Variants in FRMD4A observed in about 807,000 individuals in gnomAD.
The protein encoded by FRMD4A is FERM domain-containing protein 4A.
A neutral mutation model predicts 129.1 loss-of-function variants in FRMD4A; 29 were observed. That is an observed-to-expected ratio of 0.22 (90% CI 0.17 to 0.31). The LOEUF (loss-of-function observed/expected upper bound fraction) is 0.31. FRMD4A is among the 10% of genes least tolerant of loss of function. The pLI is 1.00. For missense variants in FRMD4A, 1,272 were observed against 1,375.8 expected, an observed-to-expected ratio of 0.92 and a Z score of 1.19; for synonymous variants, 634 against 571.6, an observed-to-expected ratio of 1.11 and a Z score of -1.56.
At chr10:13,663,651 G>A (rs1435291142) in intron 18 of FRMD4A, 142 bp from the exon 19 acceptor site, 1 of 629,388 alleles carries the variant, frequency 1.6e-6, no homozygotes, top group African/African-American at 1.8e-5. Context: ...TAAAAATGCT[G>A]TTGGGTGTTT....
chr10:13,941,922 C>T (rs150366811), intron 2 of FRMD4A, among the ~76,000 whole-genome samples: 1 of 152,270 alleles, frequency 6.6e-6, no homozygotes, highest in East Asian at 1.9e-4. Context: ...TTACATTTTA[C>T]CCTGGTCTGG....
chr10:13,942,942 C>CA (rs1004062007), intron 2 of FRMD4A, among the ~76,000 whole-genome samples: 3 of 150,658 alleles, frequency 2.0e-5, no homozygotes, highest in East Asian at 1.9e-4. Context: ...AACAAAAAGG[C>CA]AAAAAAAAAA....
At chr10:14,051,610 A>C (rs1413536431) in intron 2 of FRMD4A, among the ~76,000 whole-genome samples, 2 of 152,202 alleles carry the variant, frequency 1.3e-5, no homozygotes, top group African/African-American at 2.4e-5. Flanking sequence ...CATGGTTGAC[A>C]CTGGCAGATT....
At chr10:13,987,009 T>C (rs1243122541) in intron 2 of FRMD4A, among the ~76,000 whole-genome samples, 1 of 152,148 alleles carries the variant, frequency 6.6e-6, no homozygotes, top group African/African-American at 2.4e-5. Flanking sequence ...CAGGAGAGGC[T>C]GATGTTCTGG....
In FRMD4A at chr10:14,204,846, G is replaced by C. The variant is rs1221392756; in HGVS notation, c.45+125212C>G. 2.0e-5 allele frequency among the ~76,000 whole-genome samples: 3 copies of C among 152,248 alleles called. No individual in the cohort carries two copies. In the East Asian group the frequency reaches 5.8e-4, roughly 29 times the overall value. ...TTCATACCCGAGATAACCCAGCTGT[G>C]TGCAAAATCAAGCCTATTGAACGCG... On this transcript the variant is annotated intron_variant, in intron 2 of 24. Transcript: ENST00000357447.
chr10:14,218,405 T>A (rs147790234), intron 2 of FRMD4A, among the ~76,000 whole-genome samples: 7 of 152,360 alleles, frequency 4.6e-5, no homozygotes, highest in African/African-American at 7.2e-5. Context: ...TCCTTTGGAT[T>A]AACCCACTAG....
At chr10:14,323,808 G>A (rs990964496) in intron 2 of FRMD4A, among the ~76,000 whole-genome samples, 15 of 152,226 alleles carry the variant, frequency 9.9e-5, no homozygotes, top group Non-Finnish European at 1.8e-4. Flanking sequence ...CGAAGAGCCT[G>A]TTATTCAAGA....
At chr10:14,291,567 G>T (rs1845850699) in intron 2 of FRMD4A, among the ~76,000 whole-genome samples, 1 of 152,104 alleles carries the variant, frequency 6.6e-6, no homozygotes, top group Non-Finnish European at 1.5e-5. Flanking sequence ...CATTTCTGCA[G>T]ATGTCAAAAT....
chr10:13,853,607 G>A (rs932334475), intron 3 of FRMD4A, among the ~76,000 whole-genome samples: 33 of 152,050 alleles, frequency 2.2e-4, no homozygotes, highest in Admixed American at 8.5e-4. Flanking sequence ...GCTGTTGTGG[G>A]TGGGTCACCT....
Position 13,795,694 on chromosome 10 carries a change from G to GTGCCTTGATTGA in FRMD4A, c.299+801_299+802insTCAATCAAGGCA, listed in dbSNP as rs1273543556. On this transcript the variant is annotated intron_variant, in intron 5 of 24. Transcript: ENST00000357447. ...TAATTGTGTTGCAATCAAGGTTCTG[G>GTGCCTTGATTGA]ACAGAAAGAACCTGGTGCCTCCATA... Among the ~76,000 whole-genome samples the GTGCCTTGATTGA allele has an allele frequency of 1.8e-4, 28 of 152,300 alleles. No individual in the cohort carries two copies. The South Asian group carries it at 3.5e-3, about 19-fold the overall frequency.
At chr10:14,087,391 C>A (rs1836351517) in intron 2 of FRMD4A, 2 of 148,666 alleles carry the variant, frequency 1.3e-5, no homozygotes, top group South Asian at 2.1e-4. Context: ...TATATTAATT[C>A]TATTTAATTC....
At chr10:13,696,478 C>CA (rs1337225155) in intron 14 of FRMD4A, among the ~76,000 whole-genome samples, 2 of 152,204 alleles carry the variant, frequency 1.3e-5, no homozygotes, top group Non-Finnish European at 2.9e-5. Context: ...CATGGTGGCT[C>CA]AAGCCTGTCC....
At position 13,676,623 on chromosome 10, in the gene FRMD4A, C is replaced by T. The variant is rs11258517; in HGVS notation, c.1118-1579G>A. Among the ~76,000 whole-genome samples the T allele has an allele frequency of 8.0e-3, 1,225 of 152,198 alleles. 69 individuals carry two copies. The highest frequency in any genetic ancestry group is 0.071 in the Admixed American group (1,082 of 15,278). On this transcript the variant is annotated intron_variant, in intron 15 of 24. Coordinates refer to ENST00000357447, the MANE Select transcript of FRMD4A (RefSeq NM_018027.5). ...CCATCGTGAGCAGAAGTGTTAGAAACGGACAGGTGTTAGAGGCTGTGCATT... is the reference window on the plus strand; with the variant it reads ...CCATCGTGAGCAGAAGTGTTAGAAATGGACAGGTGTTAGAGGCTGTGCATT...
intron 6 of FRMD4A, among the ~76,000 whole-genome samples, chr10:13,769,948 C>T (rs2092407966): frequency 6.6e-6 from 1 of 152,168 alleles, no homozygotes; most frequent in South Asian, 2.1e-4. Context: ...GGGTCTCCAG[C>T]TTGCAGACAG....
At chr10:13,835,145 C>T (rs2093852938) in intron 3 of FRMD4A, among the ~76,000 whole-genome samples, 1 of 152,168 alleles carries the variant, frequency 6.6e-6, no homozygotes, top group Non-Finnish European at 1.5e-5. Context: ...AAGAGGAGGG[C>T]TTTGATGGCC....
chr10:13,836,797 G>A (rs1472486206), intron 3 of FRMD4A, among the ~76,000 whole-genome samples: 3 of 130,758 alleles, frequency 2.3e-5, no homozygotes, highest in South Asian at 2.4e-4. Flanking sequence ...TCGCTCTGTC[G>A]CCAAGGCTGG....
chr10:14,276,618 T>C (rs1475780538), intron 2 of FRMD4A, among the ~76,000 whole-genome samples: 2 of 152,042 alleles, frequency 1.3e-5, no homozygotes, highest in East Asian at 3.9e-4. Context: ...CAAAGTTGGG[T>C]AAAATTGTGT....
chr10:14,058,759 G>A (rs1834664686), intron 2 of FRMD4A, among the ~76,000 whole-genome samples: 1 of 152,144 alleles, frequency 6.6e-6, no homozygotes, highest in Non-Finnish European at 1.5e-5. Flanking sequence ...ATGCCACAGG[G>A]TCCCGGTGAC....
chr10:13,887,705 C>A (rs947022452), intron 2 of FRMD4A, among the ~76,000 whole-genome samples: 1 of 152,094 alleles, frequency 6.6e-6, no homozygotes, highest in Non-Finnish European at 1.5e-5. Context: ...ACTGAACGCA[C>A]ACACACACTC....
Sources: gnomAD v4.1 joint callset for allele counts (sites outside exome capture counted in the v4.1 genomes callset) on GRCh38, gnomAD v4.1.1 for gene constraint, MANE v1.5 for transcripts, NCBI Gene and HGNC (gene_info 2026-07-23, HGNC 2026-07-21) for gene names.